RGPD2: variants seen among roughly 807,000 people sequenced by gnomAD.
RGPD2 encodes the protein RANBP2 like and GRIP domain containing 2.
Under a neutral mutation model 36.0 loss-of-function variants are expected in RGPD2, and 2 were observed. That is an observed-to-expected ratio of 0.06 (90% CI 0.02 to 0.17). The LOEUF (loss-of-function observed/expected upper bound fraction) is 0.17. Ranked by LOEUF, RGPD2 falls within the 10% of genes least tolerant of loss-of-function variation. RGPD2 has a pLI of 1.00. For missense variants in RGPD2, 40 were observed against 464.3 expected, an observed-to-expected ratio of 0.09 and a Z score of 8.40; for synonymous variants, 19 against 163.8, an observed-to-expected ratio of 0.12 and a Z score of 6.75.
At chr2:87,917,020 A>T in the RGPD2 span, among the ~76,000 whole-genome samples, 16 of 152,236 alleles carry the variant, frequency 1.1e-4, no homozygotes, top group East Asian at 3.1e-3. Flanking sequence ...TTAATATTTG[A>T]GTAGTGACTT....
At chr2:87,819,030 GGAGGTTGCAGTGAGCCA>G (rs1338622242) in intron 1 of RGPD2, among the ~76,000 whole-genome samples, 41 of 11,328 alleles carry the variant, frequency 3.6e-3, no homozygotes, top group African/African-American at 9.0e-3. Flanking sequence ...CCCAGGAGGT[GGAGGTTGCAGTGAGCCA>G]GAGGTTGCAG....
At chr2:87,906,762 A>G in the RGPD2 span, among the ~76,000 whole-genome samples, 1 of 150,296 alleles carries the variant, frequency 6.7e-6, no homozygotes, top group Non-Finnish European at 1.5e-5. Flanking sequence ...TTAAAAACAT[A>G]ATAATAACCT....
chr2:87,809,495 C>T (rs1193374196), intron 6 of RGPD2, among the ~76,000 whole-genome samples: 2 of 140,010 alleles, frequency 1.4e-5, no homozygotes, highest in Non-Finnish European at 3.1e-5. Flanking sequence ...GGTGACACTC[C>T]GTCTCTACTA....
At chr2:87,897,602 T>C in the RGPD2 span, among the ~76,000 whole-genome samples, 2 of 151,364 alleles carry the variant, frequency 1.3e-5, no homozygotes, top group Non-Finnish European at 3.0e-5. Context: ...ATACATTAGC[T>C]GTTTTCCCTA....
chr2:87,841,310 T>G, the RGPD2 span, among the ~76,000 whole-genome samples: 1 of 152,086 alleles, frequency 6.6e-6, no homozygotes, highest in African/African-American at 2.4e-5. Flanking sequence ...TGAGGCCGAC[T>G]CTGAAGCTGA....
chr2:87,983,508 C>T, the RGPD2 span, among the ~76,000 whole-genome samples: 1 of 122,146 alleles, frequency 8.2e-6, no homozygotes, highest in Non-Finnish European at 1.7e-5. Context: ...CCAGGCAATA[C>T]CACAGGTCCT....
the RGPD2 span, among the ~76,000 whole-genome samples, chr2:87,866,894 G>T: frequency 6.6e-6 from 1 of 152,250 alleles, no homozygotes; most frequent in Non-Finnish European, 1.5e-5. Flanking sequence ...CGAGAGGTCC[G>T]GCTTTGTCCG....
chr2:87,876,801 G>A, the RGPD2 span, among the ~76,000 whole-genome samples: 1 of 152,034 alleles, frequency 6.6e-6, no homozygotes, highest in African/African-American at 2.4e-5. Flanking sequence ...ATTGTTGGTG[G>A]GGTGTTAAAG....
At chr2:87,864,730 G>A in the RGPD2 span, among the ~76,000 whole-genome samples, 1 of 152,246 alleles carries the variant, frequency 6.6e-6, no homozygotes, top group African/African-American at 2.4e-5. Flanking sequence ...TCATGTGCTT[G>A]TTTACCATCT....
chr2:87,962,595 A>G, the RGPD2 span, among the ~76,000 whole-genome samples: 459 of 151,106 alleles, frequency 3.0e-3, 1 homozygote, highest in Non-Finnish European at 5.5e-3. Flanking sequence ...GATTTCTTTC[A>G]CTTGAGGTAC....
At chr2:87,962,058 G>GC in the RGPD2 span, among the ~76,000 whole-genome samples, 1 of 146,078 alleles carries the variant, frequency 6.8e-6, no homozygotes, top group Non-Finnish European at 1.5e-5. Flanking sequence ...AAAAGGAATA[G>GC]CCCCCCAAAT....
chr2:87,866,400 G>C, the RGPD2 span, among the ~76,000 whole-genome samples: 1 of 152,130 alleles, frequency 6.6e-6, no homozygotes, highest in African/African-American at 2.4e-5. Flanking sequence ...AATTTTGTTT[G>C]CTGCTCTACA....
the RGPD2 span, among the ~76,000 whole-genome samples, chr2:87,877,765 A>G: frequency 7.5e-6 from 1 of 133,086 alleles, no homozygotes; most frequent in Non-Finnish European, 1.6e-5. Context: ...AGGTCATGCC[A>G]CTGCACTTCA....
chr2:87,943,667 G>A, the RGPD2 span, among the ~76,000 whole-genome samples: 1 of 151,706 alleles, frequency 6.6e-6, no homozygotes, highest in Non-Finnish European at 1.5e-5. Context: ...GTCTATTTTT[G>A]TTTGTGTTGC....
the RGPD2 span, among the ~76,000 whole-genome samples, chr2:87,988,894 G>A: frequency 6.6e-6 from 1 of 151,948 alleles, no homozygotes; most frequent in African/African-American, 2.4e-5. Flanking sequence ...AAGAACCTCA[G>A]GGAACAGAAC....
the RGPD2 span, among the ~76,000 whole-genome samples, chr2:87,890,399 T>C: frequency 6.9e-6 from 1 of 145,460 alleles, no homozygotes; most frequent in Non-Finnish European, 1.5e-5. Flanking sequence ...CTGGTCCGTT[T>C]TTATCTGACA....
rs1177673876 is a variant in RGPD2 at position 87,760,869 on chromosome 2, G to A, written c.5237-3443C>T. Among the ~76,000 whole-genome samples, 46 of 147,734 alleles carry A rather than the reference G, an allele frequency of 3.1e-4. 1 individual carries two copies. The highest frequency in any genetic ancestry group is 3.4e-3 in the Middle Eastern group (1 of 294). On this transcript the variant is annotated intron_variant, in intron 22 of 22. Coordinates refer to ENST00000398146, the MANE Select transcript of RGPD2 (RefSeq NM_001078170.3). ...CCTGACCTTGCGATCTGCCCGCCTC[G>A]GCCTCCCAAATTGCTGGCATTATAG...
chr2:87,913,772 A>G, the RGPD2 span, among the ~76,000 whole-genome samples: 1 of 152,040 alleles, frequency 6.6e-6, no homozygotes, highest in East Asian at 1.9e-4. Context: ...TTTTTTAACA[A>G]CGAGAAATTC....
chr2:87,878,931 C>T, the RGPD2 span, among the ~76,000 whole-genome samples: 3 of 152,080 alleles, frequency 2.0e-5, no homozygotes, highest in South Asian at 2.1e-4. Flanking sequence ...ATGACTGAAT[C>T]GTATTCATTT....
Sources: allele counts gnomAD v4.1 joint callset (sites outside exome capture counted in the v4.1 genomes callset), GRCh38; gene constraint gnomAD v4.1.1; transcripts MANE v1.5; gene names NCBI Gene and HGNC (gene_info 2026-07-23, HGNC 2026-07-21).